Variants in MYO7B observed in about 807,000 individuals in gnomAD.
The protein encoded by MYO7B is unconventional myosin-VIIb.
A neutral mutation model predicts 259.7 loss-of-function variants in MYO7B; 212 were observed. The observed-to-expected ratio is 0.82, with a 90% CI of 0.73 to 0.91. The LOEUF is 0.91. MYO7B is among the 40% of genes least tolerant of loss of function. The probability of loss-of-function intolerance (pLI) is 0.00; values close to 1 mark genes in which losing one functional copy is unlikely to be tolerated. For missense variants in MYO7B, 2,732 were observed against 2,813.5 expected (o/e 0.97, Z 0.66); for synonymous variants, 1,197 against 1,166.4 (o/e 1.03, Z -0.54).
rs770612021 is a variant in MYO7B at position 127,566,676 on chromosome 2, C to A, written c.319C>A (p.Pro107Thr). ...YTGSILVAVN[P>T]FQVLPLYTLE... is the part of the protein sequence containing the mutation. The stretch of plus-strand genomic sequence containing the variant: ...AGGCTCCATCCTGGTGGCCGTCAAC[C>A]CGTTCCAGGTGCTGCCGCTCTACAC... Residue 107 changes from proline (P) to threonine (T), a missense_variant, in exon 5 of 48, where the codon CCG (proline) becomes ACG (threonine). Coordinates refer to ENST00000409816, the MANE Select transcript of MYO7B (RefSeq NM_001393586.1). The A allele has an allele frequency of 1.2e-6, 2 of 1,602,474 alleles. No individual in the cohort carries two copies. The highest frequency in any genetic ancestry group is 1.7e-6 in the Non-Finnish European group (2 of 1,175,414).
intron 19 of MYO7B, among the ~76,000 whole-genome samples, chr2:127,598,901 T>C (rs2104998080): frequency 6.6e-6 from 1 of 152,360 alleles, no homozygotes; most frequent in South Asian, 2.1e-4. Flanking sequence ...TGTTTCTATG[T>C]TCTCTATCCC....
rs779406546 is a variant in MYO7B, at chr2:127,636,594, G to A, written c.6173G>A (p.Arg2058Gln). Reference protein sequence around the residue: ...YPDVILIAINRHGVLLIHPKT... With the variant: ...YPDVILIAINQHGVLLIHPKT... ...GACGTCATCCTCATCGCCATCAACC[G>A]ACATGGGGTTCTGCTCATCCACCCC... Residue 2058 changes from arginine to glutamine, a missense_variant, in exon 46 of 48, where the codon CGA becomes CAA. Physicochemically the swap from Arg to Gln is conservative, Grantham distance 43. Around this residue, in one of 3 missense-constraint regions of MYO7B, gnomAD observed 821 missense variants for 769.3 expected, o/e 1.07. Coordinates refer to ENST00000409816, the MANE Select transcript of MYO7B (RefSeq NM_001393586.1). The surrounding 1 kb of genome is among the most constrained non-coding windows in gnomAD (Gnocchi z 4.5). 53 of 1,612,672 alleles carry A rather than the reference G, an allele frequency of 3.3e-5. No homozygotes were observed. Among genetic ancestry groups the A allele is most frequent in the East Asian group, 8.9e-5 (4 of 44,818 alleles).
chr2:127,558,206 T>C (rs1018411125), intron 1 of MYO7B, among the ~76,000 whole-genome samples: 1 of 152,040 alleles, frequency 6.6e-6, no homozygotes, highest in African/African-American at 2.4e-5. Context: ...TAGACAATTC[T>C]CAAAAGAAGA....
At chr2:127,629,890 ATGCCTAGTTGGGAGGCCTAGCTCAG>A in intron 35 of MYO7B, 64 bp downstream of exon 35, 1 of 1,450,796 alleles carries the variant, frequency 6.9e-7, no homozygotes. Context: ...CAGTCCTGGG[ATGCCTAGTTGGGAGGCCTAGCTCAG>A]GGCCTGCAGC....
At position 127,579,890 on chromosome 2, in the gene MYO7B, A is replaced by G. The variant is rs544666243; in HGVS notation, c.1004-856A>G. Among the ~76,000 whole-genome samples the G allele has an allele frequency of 2.0e-5, 3 of 152,294 alleles. No individual in the cohort carries two copies. In the East Asian group the frequency reaches 5.8e-4, roughly 29 times the overall value. On this transcript the variant is annotated intron_variant, in intron 9 of 47. Transcript: ENST00000409816. Reference sequence around the variant, plus strand: ...CACAAGCCACTGCGCCTGGCCCACTAACATAACATTTAAAAGCCGGCACAT... The same window carrying G: ...CACAAGCCACTGCGCCTGGCCCACTGACATAACATTTAAAAGCCGGCACAT...
Position 127,634,465 on chromosome 2 carries a change from A to G in MYO7B, c.5626-131A>G, listed in dbSNP as rs956015568. The G allele has an allele frequency of 3.3e-6, 3 of 908,020 alleles. No homozygotes were observed. In the Admixed American group the frequency reaches 6.6e-5, roughly 20 times the overall value. The allele number at this position is 908,020 out of a possible 1,614,324, so 56.2% of individuals were successfully genotyped here. On this transcript the variant is annotated intron_variant, in intron 41 of 47. Coordinates refer to ENST00000409816, the MANE Select transcript of MYO7B (RefSeq NM_001393586.1). ...TGGAGCAGAGCCAGCTCCACACGCC[A>G]ATAGCCCACGCACAGCCGACTCCAG...
chr2:127,554,761 C>T (rs183198360), intron 1 of MYO7B, among the ~76,000 whole-genome samples: 10 of 152,032 alleles, frequency 6.6e-5, no homozygotes, highest in Non-Finnish European at 1.5e-4. Context: ...AGTCTTGCTG[C>T]TTATTATTGG....
chr2:127,571,546 T>C (rs1252838404), intron 6 of MYO7B, among the ~76,000 whole-genome samples: 4 of 150,486 alleles, frequency 2.7e-5, no homozygotes, highest in Non-Finnish European at 5.9e-5. Flanking sequence ...AATGGCACGA[T>C]CTCGGCTCAC....
chr2:127,631,556 T>C, intron 37 of MYO7B, 44 bp from the exon 38 acceptor site: 9 of 1,600,138 alleles, frequency 5.6e-6, no homozygotes, highest in Non-Finnish European at 7.7e-6. Flanking sequence ...CCAGTCTGTG[T>C]CAGCGTGGGG....
At position 127,634,494 on chromosome 2, in the gene MYO7B, A is replaced by G; in HGVS notation, c.5626-102A>G. The G allele has an allele frequency of 8.2e-6, 9 of 1,095,894 alleles. No homozygotes were observed. The South Asian group carries it at 1.1e-4, about 13-fold the overall frequency. The allele number at this position is 1,095,894 out of a possible 1,614,324, so 67.9% of individuals were successfully genotyped here. On this transcript the variant is annotated intron_variant, in intron 41 of 47. Transcript: ENST00000409816. ...GCCCACGCACAGCCGACTCCAGCGC[A>G]GCACCCAGGCCGTAGGCGGCCACTG...
At chr2:127,620,515 G>T (rs752083675) in intron 27 of MYO7B, 49 bp downstream of exon 27, 39 of 1,446,220 alleles carry the variant, frequency 2.7e-5, no homozygotes, top group Non-Finnish European at 3.1e-5. Flanking sequence ...GTTCTGGTGG[G>T]AGCGTAGGTG....
chr2:127,618,088 TGTCCCTGCAGGCCTCTTCAG>T (rs1680654652), intron 26 of MYO7B, among the ~76,000 whole-genome samples: 1 of 152,166 alleles, frequency 6.6e-6, no homozygotes, highest in African/African-American at 2.4e-5. Context: ...TATCTCTATT[TGTCCCTGCAGGCCTCTTCAG>T]GTCCCTTCAG....
intron 47 of MYO7B, 166 bp from the exon 48 acceptor site, chr2:127,637,150 C>A (rs1305422312): frequency 2.2e-6 from 2 of 905,574 alleles, no homozygotes; most frequent in African/African-American, 1.6e-5. Context: ...GGAGACCCAG[C>A]TCCAGCAGGG....
Position 127,565,527 on chromosome 2 carries a change from A to G in MYO7B, c.285+142A>G, listed in dbSNP as rs1042213248. The stretch of plus-strand genomic sequence containing the variant: ...GTGGGCGAGGTGCCTAACTTTTCCC[A>G]ATCTCTGCTGCCCAGTCCCAAACAA... On this transcript the variant is annotated intron_variant, in intron 4 of 47. Coordinates refer to ENST00000409816, the MANE Select transcript of MYO7B (RefSeq NM_001393586.1). 2.9e-5 allele frequency: 33 copies of G among 1,155,816 alleles called. No homozygotes were observed. The African/African-American group carries it at 2.9e-4, about 10-fold the overall frequency. The allele number at this position is 1,155,816 out of a possible 1,614,324, so 71.6% of individuals were successfully genotyped here.
At chr2:127,570,517 G>A (rs539342341) in intron 6 of MYO7B, among the ~76,000 whole-genome samples, 21 of 152,294 alleles carry the variant, frequency 1.4e-4, no homozygotes, top group Admixed American at 1.2e-3. Flanking sequence ...CAGTCTAGTC[G>A]GGGCTGCCCA....
chr2:127,633,126 G>A (rs1039202920), intron 39 of MYO7B, 132 bp from the exon 40 acceptor site: 2 of 696,076 alleles, frequency 2.9e-6, no homozygotes, highest in Non-Finnish European at 4.8e-6. Flanking sequence ...GCGAGGGGCT[G>A]GAACCACCCC....
rs113585804 is a variant in MYO7B at position 127,566,936 on chromosome 2, C to T, written c.470+109C>T. The T allele has an allele frequency of 6.1e-4, 704 of 1,152,270 alleles. 3 individuals carry two copies. The African/African-American group carries it at 8.3e-3, about 14-fold the overall frequency. 71.4% of individuals were successfully genotyped at this position (1,152,270 alleles called of 1,614,324 possible). ...AGAGCTCTCCCTACTCCATGGCACACACCCATCTCCACAGCACACAACGGC... is the reference window on the plus strand; with the variant it reads ...AGAGCTCTCCCTACTCCATGGCACATACCCATCTCCACAGCACACAACGGC... On this transcript the variant is annotated intron_variant, in intron 5 of 47. Transcript: ENST00000409816.
intron 1 of MYO7B, among the ~76,000 whole-genome samples, chr2:127,556,000 A>AGTCCCCG (rs1384411172): frequency 6.6e-6 from 1 of 152,158 alleles, no homozygotes; most frequent in Non-Finnish European, 1.5e-5. Context: ...GGAGTATTGA[A>AGTCCCCG]GTCCCCGGCT....
chr2:127,609,580 G>A lies in MYO7B; in HGVS notation c.2889G>A (p.Glu963=), dbSNP rs1449077027. 6.2e-7 allele frequency: 1 copy of A among 1,614,024 alleles called. No homozygotes were observed. The highest frequency in any genetic ancestry group is 1.1e-5 in the South Asian group (1 of 91,076). The change falls in exon 23 of 48, where the codon GAG becomes GAA. Residue 963 remains glutamate, a synonymous_variant. Transcript: ENST00000409816. The surrounding 1 kb of genome is among the most constrained non-coding windows in gnomAD (Gnocchi z 6.9). Reference sequence around the variant, plus strand: ...TCCCCATGGCGGAGGAGCCTGAGGAGGATGTGGATGGCCTGGCCGAGTACA... The same window carrying A: ...TCCCCATGGCGGAGGAGCCTGAGGAAGATGTGGATGGCCTGGCCGAGTACA... ...DTVPMAEEPE[E]DVDGLAEYTF... is the part of the protein sequence containing the mutation.
Sources: gnomAD v4.1 joint callset for allele counts (sites outside exome capture counted in the v4.1 genomes callset) on GRCh38, gnomAD v4.1.1 for gene constraint, gnomAD v4.1.1 regional missense constraint, Gnocchi (gnomAD v3.1) non-coding constraint, MANE v1.5 for transcripts, NCBI Gene and HGNC (gene_info 2026-07-23, HGNC 2026-07-21) for gene names.